The following CACNB4 variants were observed in gnomAD, a reference collection of about 807,000 sequenced individuals.
CACNB4 encodes voltage-dependent L-type calcium channel subunit beta-4.
In CACNB4, 32 loss-of-function variants were observed where a neutral mutation model predicts 71.2. The ratio of observed to expected loss-of-function variants is 0.45; its 90% CI spans 0.34 to 0.60. The LOEUF (loss-of-function observed/expected upper bound fraction) is 0.60. Ranked by LOEUF, CACNB4 falls within the 20% of genes least tolerant of loss-of-function variation. The pLI is 0.01. For missense variants in CACNB4, 464 were observed against 647.9 expected (o/e 0.72, Z 3.08); for synonymous variants, 231 against 236.9 (o/e 0.97, Z 0.23).
chr2:151,987,768 T>C (rs1579078812), intron 2 of CACNB4, among the ~76,000 whole-genome samples: 1 of 152,200 alleles, frequency 6.6e-6, no homozygotes, highest in Non-Finnish European at 1.5e-5. Context: ...GATAACTTAG[T>C]ACCTAGGCAC....
chr2:151,997,520 T>C (rs1105617), intron 2 of CACNB4, among the ~76,000 whole-genome samples: 17 of 150,858 alleles, frequency 1.1e-4, no homozygotes, highest in African/African-American at 4.2e-4. Context: ...GGAGACAGAG[T>C]GAGACTCTGT....
chr2:152,014,070 T>C (rs899609418), intron 2 of CACNB4, among the ~76,000 whole-genome samples: 1 of 152,206 alleles, frequency 6.6e-6, no homozygotes, highest in Non-Finnish European at 1.5e-5. Context: ...TAGCCTGATG[T>C]GGTGGCTCAT....
chr2:151,963,079 A>G (rs894263236), intron 2 of CACNB4, among the ~76,000 whole-genome samples: 5 of 152,008 alleles, frequency 3.3e-5, no homozygotes, highest in African/African-American at 7.3e-5. Flanking sequence ...TTGGGAGGCC[A>G]ATGCGGGCAG....
chr2:151,997,902 T>C (rs1293516649), intron 2 of CACNB4, among the ~76,000 whole-genome samples: 1 of 152,240 alleles, frequency 6.6e-6, no homozygotes, highest in East Asian at 1.9e-4. Flanking sequence ...TCTTTTTCAC[T>C]TTCGTGGGAG....
At chr2:151,984,578 A>T (rs993039054) in intron 2 of CACNB4, among the ~76,000 whole-genome samples, 1 of 152,184 alleles carries the variant, frequency 6.6e-6, no homozygotes. Context: ...GGGGAGAAGA[A>T]CAAAAGGCCT....
At chr2:151,931,267 A>C (rs558936448) in intron 2 of CACNB4, among the ~76,000 whole-genome samples, 1 of 152,338 alleles carries the variant, frequency 6.6e-6, no homozygotes, top group East Asian at 1.9e-4. Context: ...AGTAATGCTA[A>C]CTAGTCACTG....
At chr2:152,032,222 C>T (rs187489200) in intron 2 of CACNB4, among the ~76,000 whole-genome samples, 29 of 152,232 alleles carry the variant, frequency 1.9e-4, no homozygotes, top group African/African-American at 6.7e-4. Flanking sequence ...AATCCCCTTC[C>T]CCCCGTCCAT....
At chr2:151,998,946 C>T (rs577225737) in intron 2 of CACNB4, among the ~76,000 whole-genome samples, 10 of 152,272 alleles carry the variant, frequency 6.6e-5, no homozygotes, top group Admixed American at 1.3e-4. Flanking sequence ...TTCACCCTCA[C>T]GAAGATGCAA....
intron 2 of CACNB4, among the ~76,000 whole-genome samples, chr2:152,027,685 C>CT (rs1684050006): frequency 1.3e-5 from 2 of 152,066 alleles, no homozygotes; most frequent in Non-Finnish European, 2.9e-5. Context: ...AACCCAGTCT[C>CT]TACTAAAAAT....
intron 2 of CACNB4, among the ~76,000 whole-genome samples, chr2:152,083,235 TACACATGC>T (rs1041683002): frequency 1.3e-5 from 2 of 152,120 alleles, no homozygotes; most frequent in African/African-American, 4.8e-5. Context: ...CATATGTGTG[TACACATGC>T]ACACAAGCAC....
At chr2:151,920,140 A>AAATAGAACAATTTCTATTGTAATAGG (rs2099858561) in intron 2 of CACNB4, among the ~76,000 whole-genome samples, 1 of 113,110 alleles carries the variant, frequency 8.8e-6, no homozygotes, top group Non-Finnish European at 2.0e-5. Context: ...TTGTAAATAG[A>AAATAGAACAATTTCTATTGTAATAGG]AATAGAACAA....
chr2:151,985,316 A>G (rs1681290068), intron 2 of CACNB4, among the ~76,000 whole-genome samples: 1 of 152,194 alleles, frequency 6.6e-6, no homozygotes, highest in Admixed American at 6.5e-5. Flanking sequence ...AAAACTCCTC[A>G]AAACATAATT....
At chr2:151,992,536 T>C (rs1681767386) in intron 2 of CACNB4, among the ~76,000 whole-genome samples, 1 of 152,226 alleles carries the variant, frequency 6.6e-6, no homozygotes, top group South Asian at 2.1e-4. Flanking sequence ...ACTAAGTGTA[T>C]ACCTATGCTG....
At chr2:151,887,714 T>G (rs951561283) in intron 2 of CACNB4, among the ~76,000 whole-genome samples, 19 of 152,310 alleles carry the variant, frequency 1.2e-4, no homozygotes, top group African/African-American at 4.1e-4. Flanking sequence ...CTTAAGCAAG[T>G]TATTTAACCT....
At chr2:151,943,395 A>T (rs1379463927) in intron 2 of CACNB4, among the ~76,000 whole-genome samples, 1 of 152,234 alleles carries the variant, frequency 6.6e-6, no homozygotes, top group Non-Finnish European at 1.5e-5. Flanking sequence ...GTTGACCATG[A>T]CACTGGAAGA....
Position 151,876,457 on chromosome 2 carries a change from G to T in CACNB4, c.490C>A (p.Gln164Lys). ...TGAAAACGTCCTCTTTTTTGTTCTTGCTGGATCCGTATGTTCTCCAATCTG... is the reference window on the plus strand; with the variant it reads ...TGAAAACGTCCTCTTTTTTGTTCTTTCTGGATCCGTATGTTCTCCAATCTG... ...PLRLENIRIQ[Q>K]EQKRGRFHGG... The change falls in exon 5 of 14, where the codon CAA becomes AAA. Residue 164 changes from glutamine to lysine, a missense_variant. Physicochemically the swap from Gln to Lys is moderately conservative, Grantham distance 53 (BLOSUM62 1). Transcript: ENST00000539935. 1 of 1,601,130 alleles carries T rather than the reference G, an allele frequency of 6.2e-7. No homozygotes were observed. The highest frequency in any genetic ancestry group is 8.5e-7 in the Non-Finnish European group (1 of 1,171,822).
intron 2 of CACNB4, among the ~76,000 whole-genome samples, chr2:151,910,693 T>A (rs965691640): frequency 6.6e-6 from 1 of 152,220 alleles, no homozygotes; most frequent in South Asian, 2.1e-4. Flanking sequence ...CTGTTTTGGT[T>A]ATTGTAGCCT....
At chr2:151,902,391 G>A (rs2099853688) in intron 2 of CACNB4, among the ~76,000 whole-genome samples, 1 of 152,042 alleles carries the variant, frequency 6.6e-6, no homozygotes, top group Non-Finnish European at 1.5e-5. Context: ...CCTTGTACAT[G>A]AAAGACACTG....
At chr2:152,085,178 C>T (rs750407384) in intron 2 of CACNB4, among the ~76,000 whole-genome samples, 3 of 151,922 alleles carry the variant, frequency 2.0e-5, no homozygotes, top group Non-Finnish European at 4.4e-5. Flanking sequence ...GCAGGGGTTA[C>T]GTCCAAGTCT....
Sources: allele counts gnomAD v4.1 joint callset (sites outside exome capture counted in the v4.1 genomes callset), GRCh38; gene constraint gnomAD v4.1.1; transcripts MANE v1.5; gene names NCBI Gene and HGNC (gene_info 2026-07-23, HGNC 2026-07-21).